LATS2: variants seen among roughly 807,000 people sequenced by gnomAD.
The protein encoded by LATS2 is serine/threonine-protein kinase LATS2.
Under a neutral mutation model 76.0 loss-of-function variants are expected in LATS2, and 24 were observed. The observed-to-expected ratio is 0.32, with a 90% confidence interval of 0.23 to 0.44. The LOEUF (loss-of-function observed/expected upper bound fraction) is 0.44. Ranked by LOEUF, LATS2 falls within the 20% of genes least tolerant of loss-of-function variation. The probability of loss-of-function intolerance (pLI) is 1.00; values close to 1 mark genes in which losing one functional copy is unlikely to be tolerated. For synonymous variants in LATS2, 692 were observed against 635.4 expected (o/e 1.09, Z -1.34); for missense variants, 1,286 against 1,481.2 (o/e 0.87, Z 2.16).
chr13:20,979,937 A>T, intron 6 of LATS2, 140 bp from the exon 7 acceptor site: 3 of 448,862 alleles, frequency 6.7e-6, no homozygotes, highest in East Asian at 3.5e-5. Context: ...AGATGGACCT[A>T]TGTAAGTACC....
At chr13:21,037,733 G>A (rs1354364055) in intron 2 of LATS2, among the ~76,000 whole-genome samples, 1 of 152,182 alleles carries the variant, frequency 6.6e-6, no homozygotes. Flanking sequence ...TGAGCCCTGA[G>A]GGAGAAGTGG....
chr13:20,989,314 A>G lies in LATS2; in HGVS notation c.476-10T>C. 6.2e-7 allele frequency: 1 copy of G among 1,613,286 alleles called. No homozygotes were observed. Among genetic ancestry groups the G allele is most frequent in the Non-Finnish European group, 8.5e-7 (1 of 1,179,820 alleles). On this transcript the variant is annotated splice_polypyrimidine_tract_variant and intron_variant, in intron 3 of 7. Transcript: ENST00000382592. Reference sequence around the variant, plus strand: ...GGCATGAGCCCCTTTCCTGCAGTGGAAAAAACAGGAAGACAGCATCAGAGT... The same window carrying G: ...GGCATGAGCCCCTTTCCTGCAGTGGGAAAAACAGGAAGACAGCATCAGAGT...
rs137921332 is a variant in LATS2, at chr13:21,039,941, C to T, written c.342+5744G>A. On this transcript the variant is annotated intron_variant, in intron 2 of 7. Transcript: ENST00000382592. ...ATACAAAATTAGCTGGGCGTGGTGG[C>T]GCATGCCTGTAATCCCAGCTACTTG... Among the ~76,000 whole-genome samples, 835 of 152,168 alleles carry T rather than the reference C, an allele frequency of 5.5e-3. 11 individuals are homozygous for T. Among genetic ancestry groups the T allele is most frequent in the African/African-American group, 0.019 (784 of 41,524 alleles).
At chr13:21,061,049 C>T (rs1468298264) in intron 1 of LATS2, among the ~76,000 whole-genome samples, 6 of 151,684 alleles carry the variant, frequency 4.0e-5, no homozygotes, top group Admixed American at 2.6e-4. Context: ...GGCGCAGCCC[C>T]GCTGCCCCCG....
intron 2 of LATS2, among the ~76,000 whole-genome samples, chr13:21,017,093 A>C (rs887087221): frequency 6.6e-6 from 1 of 152,236 alleles, no homozygotes. Context: ...AAGGACTGGG[A>C]AGCATCCCAG....
chr13:21,005,879 C>T (rs948678172), intron 2 of LATS2, among the ~76,000 whole-genome samples: 2 of 151,542 alleles, frequency 1.3e-5, no homozygotes, highest in Non-Finnish European at 1.5e-5. Flanking sequence ...TTTGGGAGGC[C>T]GAGGTTGGTG....
rs780069056 is a variant in LATS2 at position 20,988,361 on chromosome 13, G to C, written c.1419C>G (p.Pro473=). The change falls in exon 4 of 8, where the codon CCC becomes CCG. Residue 473 remains proline, a synonymous_variant. Coordinates refer to ENST00000382592, the MANE Select transcript of LATS2 (RefSeq NM_014572.3). ...CCGCAGCCGGGGCGGGGGCGGGGGCGGGGGCCGGGGCAGGCGCGGGCACCC... is the reference window on the plus strand; with the variant it reads ...CCGCAGCCGGGGCGGGGGCGGGGGCCGGGGCCGGGGCAGGCGCGGGCACCC... ...PAWVPAPAPA[P]APAPAPAAEG... 26 of 1,368,734 alleles carry C rather than the reference G, an allele frequency of 1.9e-5. No individual in the cohort carries two copies. The African/African-American group carries it at 2.8e-4, about 15-fold the overall frequency. The allele number at this position is 1,368,734 out of a possible 1,614,324, so 84.8% of individuals were successfully genotyped here.
intron 2 of LATS2, among the ~76,000 whole-genome samples, chr13:21,029,950 C>A (rs981964248): frequency 1.3e-5 from 2 of 151,878 alleles, no homozygotes; most frequent in Non-Finnish European, 2.9e-5. Context: ...ATGGTGAAAC[C>A]CTGTCTCTAC....
chr13:21,059,619 A>AAC (rs1873560399), intron 1 of LATS2, among the ~76,000 whole-genome samples: 1 of 150,300 alleles, frequency 6.7e-6, no homozygotes, highest in African/African-American at 2.5e-5. Context: ...ACAACAACAA[A>AAC]AAACACTCAT....
In LATS2 at chr13:20,973,332, T is replaced by C. The variant is rs1869423033; in HGVS notation, c.*1538A>G. The C allele has an allele frequency of 4.3e-6, 1 of 231,164 alleles. No individual in the cohort carries two copies. Among genetic ancestry groups the C allele is most frequent in the Non-Finnish European group, 8.6e-6 (1 of 116,720 alleles). The allele number at this position is 231,164 out of a possible 1,614,324, so 14.3% of individuals were successfully genotyped here. On this transcript the variant is annotated 3_prime_UTR_variant, in exon 8 of 8. Transcript: ENST00000382592. ...ACTTCTAAGTGTTGTTGCCTAGATA[T>C]ATACTAAGTAATGGATACATTATGC...
intron 2 of LATS2, among the ~76,000 whole-genome samples, chr13:21,009,928 G>A (rs1047190353): frequency 2.0e-5 from 3 of 152,172 alleles, no homozygotes; most frequent in Non-Finnish European, 4.4e-5. Flanking sequence ...GGCCAGGCGT[G>A]GTGGCTCATG....
At chr13:20,996,377 ATT>A (rs34278498) in intron 2 of LATS2, among the ~76,000 whole-genome samples, 17,666 of 136,580 alleles carry the variant, frequency 0.13, 1,033 homozygotes, top group South Asian at 0.17. Context: ...GTGGTAGAAG[ATT>A]TTTTTTTTTT....
Position 20,991,433 on chromosome 13 carries a change from G to A in LATS2, c.343-29C>T. ...GGAGGGAAGTAAAGGAGAGGTAAGT[G>A]CATGTCATCCTAAAACAAAGCCACC... On this transcript the variant is annotated intron_variant, in intron 2 of 7. Transcript: ENST00000382592. This position sits in a 1 kb window ranked among gnomAD's most constrained non-coding sequence, Gnocchi z 4.9. 1 of 1,613,572 alleles carries A rather than the reference G, an allele frequency of 6.2e-7. No homozygotes were observed. Among genetic ancestry groups the A allele is most frequent in the Non-Finnish European group, 8.5e-7 (1 of 1,179,822 alleles).
At chr13:21,021,839 C>A (rs938124981) in intron 2 of LATS2, among the ~76,000 whole-genome samples, 1 of 152,228 alleles carries the variant, frequency 6.6e-6, no homozygotes, top group Admixed American at 6.5e-5. Flanking sequence ...AGCCCCAGGG[C>A]ACCTTTCACA....
At chr13:21,052,504 C>A (rs548734138) in intron 1 of LATS2, among the ~76,000 whole-genome samples, 1 of 152,222 alleles carries the variant, frequency 6.6e-6, no homozygotes, top group South Asian at 2.1e-4. Context: ...GCGTGCACCA[C>A]CACACTCGGT....
At chr13:21,031,165 T>C (rs1312589640) in intron 2 of LATS2, among the ~76,000 whole-genome samples, 2 of 152,242 alleles carry the variant, frequency 1.3e-5, no homozygotes, top group Non-Finnish European at 2.9e-5. Context: ...AGCTTAAATA[T>C]GATAGGCCTA....
intron 2 of LATS2, among the ~76,000 whole-genome samples, chr13:21,011,808 A>G (rs1371072373): frequency 6.6e-6 from 1 of 152,254 alleles, no homozygotes; most frequent in Non-Finnish European, 1.5e-5. Flanking sequence ...TGTGAACATC[A>G]TAGAGTGTAC....
chr13:21,018,916 G>A (rs1871919429), intron 2 of LATS2, among the ~76,000 whole-genome samples: 1 of 152,092 alleles, frequency 6.6e-6, no homozygotes, highest in Non-Finnish European at 1.5e-5. Flanking sequence ...CAAGTGCTGG[G>A]ATTACAGGTG....
intron 2 of LATS2, among the ~76,000 whole-genome samples, chr13:21,000,661 C>T (rs920530387): frequency 6.6e-6 from 1 of 152,066 alleles, no homozygotes; most frequent in African/African-American, 2.4e-5. Context: ...ATGGCCACTA[C>T]TAAACTATAA....
Sources: allele counts gnomAD v4.1 joint callset (sites outside exome capture counted in the v4.1 genomes callset), GRCh38; gene constraint gnomAD v4.1.1; non-coding constraint Gnocchi (gnomAD v3.1); transcripts MANE v1.5; gene names NCBI Gene and HGNC (gene_info 2026-07-23, HGNC 2026-07-21).